PPP1R1C: variants seen among roughly 807,000 people sequenced by gnomAD.
PPP1R1C encodes the protein protein phosphatase 1 regulatory inhibitor subunit 1C, also known as protein phosphatase 1 regulatory subunit 1C.
PPP1R1C carries 15 observed loss-of-function variants against 17.4 expected under a neutral mutation model. The observed-to-expected ratio is 0.86, with a 90% CI of 0.58 to 1.33. The LOEUF is 1.33. Among genes scored for constraint, PPP1R1C ranks in the 40% most tolerant of loss-of-function variants. The pLI is 0.00. For synonymous variants in PPP1R1C, 35 were observed against 43.1 expected (o/e 0.81, Z 0.73); for missense variants, 143 against 130.0 (o/e 1.10, Z -0.48).
At chr2:181,982,095 T>C (rs560752314), upstream of PPP1R1C, among the ~76,000 whole-genome samples, 6 of 152,336 alleles carry the variant, frequency 3.9e-5, no homozygotes, top group Non-Finnish European at 5.9e-5. Context: ...GAAAATACAT[T>C]AAAAAGTTTA....
intron 4 of PPP1R1C, among the ~76,000 whole-genome samples, chr2:182,108,133 G>A (rs574993735): frequency 3.6e-4 from 54 of 152,038 alleles, no homozygotes; most frequent in African/African-American, 1.2e-3. Flanking sequence ...TGTAGTAATG[G>A]TGTCACAGAT....
chr2:181,990,717 A>G (rs1685451536), intron 2 of PPP1R1C, among the ~76,000 whole-genome samples: 1 of 152,218 alleles, frequency 6.6e-6, no homozygotes, highest in Non-Finnish European at 1.5e-5. Context: ...TCCACACATT[A>G]TTTGAACACT....
Position 181,961,818 on chromosome 2 carries a change from T to C in PPP1R1C, n.111+7184T>C. 8.6e-7 allele frequency: 1 copy of C among 1,168,140 alleles called. No homozygotes were observed. Among genetic ancestry groups the C allele is most frequent in the Non-Finnish European group, 1.3e-6 (1 of 784,796 alleles). 72.4% of individuals were successfully genotyped at this position (1,168,140 alleles called of 1,614,324 possible). On this transcript the variant is annotated intron_variant and non_coding_transcript_variant, in intron 1 of 5. Transcript: ENST00000464264. The surrounding 1 kb of genome is among the most constrained non-coding windows in gnomAD (Gnocchi z 5.8). ...TGGCAATCTGGGCTTGTAGGCCTTTTACTTCCTCTTCGTGGTTCTTCTTCA... is the reference window on the plus strand; with the variant it reads ...TGGCAATCTGGGCTTGTAGGCCTTTCACTTCCTCTTCGTGGTTCTTCTTCA...
chr2:182,069,118 A>C (rs527913603), intron 4 of PPP1R1C, among the ~76,000 whole-genome samples: 2 of 152,230 alleles, frequency 1.3e-5, no homozygotes, highest in South Asian at 2.1e-4. Flanking sequence ...TTCTTCAGGT[A>C]TTCATCACAT....
intron 2 of PPP1R1C, among the ~76,000 whole-genome samples, chr2:182,001,280 A>G (rs1685759070): frequency 6.6e-6 from 1 of 152,200 alleles, no homozygotes; most frequent in Non-Finnish European, 1.5e-5. Flanking sequence ...CTGCAGATGC[A>G]TAGACAATTT....
chr2:182,027,955 G>C (rs1413372242), intron 2 of PPP1R1C, among the ~76,000 whole-genome samples: 1 of 129,526 alleles, frequency 7.7e-6, no homozygotes, highest in African/African-American at 2.9e-5. Context: ...TGTATGTGTC[G>C]AGGAATTTAT....
chr2:182,040,840 G>A (rs1687160496), intron 2 of PPP1R1C, among the ~76,000 whole-genome samples: 1 of 152,106 alleles, frequency 6.6e-6, no homozygotes, highest in Non-Finnish European at 1.5e-5. Flanking sequence ...TATATAGTGA[G>A]AGGTAGGGAC....
At chr2:181,983,382 G>A (rs138123325), upstream of PPP1R1C, among the ~76,000 whole-genome samples, 50 of 152,168 alleles carry the variant, frequency 3.3e-4, no homozygotes, top group East Asian at 1.4e-3. Flanking sequence ...AACAGTTGTC[G>A]GAATAAATTA....
chr2:181,997,686 A>G (rs1180730826), intron 2 of PPP1R1C, among the ~76,000 whole-genome samples: 1 of 152,166 alleles, frequency 6.6e-6, no homozygotes, highest in Non-Finnish European at 1.5e-5. Context: ...TTATATTCTC[A>G]TTTGAGTAGG....
rs548646624 is a variant in PPP1R1C at position 182,056,934 on chromosome 2, G to A, written c.143-4508G>A. Among the ~76,000 whole-genome samples, 9 of 152,262 alleles carry A rather than the reference G, an allele frequency of 5.9e-5. No homozygotes were observed. The South Asian group carries it at 1.7e-3, about 28-fold the overall frequency. ...AAGAATTTGAGTGTCTGTAGCATTT[G>A]AACCTAGTACATTGATTTTTAAAAA... is the stretch of plus-strand genomic sequence containing the variant. On this transcript the variant is annotated intron_variant, in intron 2 of 4. Coordinates refer to ENST00000682840, the MANE Select transcript of PPP1R1C (RefSeq NM_001080545.3).
chr2:181,990,702 T>G (rs573302212), intron 2 of PPP1R1C, among the ~76,000 whole-genome samples: 48 of 152,344 alleles, frequency 3.2e-4, no homozygotes, highest in African/African-American at 1.1e-3. Context: ...TCCAACAGTT[T>G]CTTTTCCACA....
At chr2:182,002,294 A>G (rs148477001) in intron 2 of PPP1R1C, among the ~76,000 whole-genome samples, 15 of 152,234 alleles carry the variant, frequency 9.9e-5, no homozygotes, top group Non-Finnish European at 2.1e-4. Context: ...TCACTCCAGT[A>G]AAAAATCTGA....
chr2:181,992,528 A>G (rs1685500703), intron 2 of PPP1R1C, among the ~76,000 whole-genome samples: 1 of 133,816 alleles, frequency 7.5e-6, no homozygotes, highest in African/African-American at 2.8e-5. Flanking sequence ...AGCAGAGACA[A>G]TATGGTTACA....
chr2:182,026,563 A>C (rs1298807973), intron 2 of PPP1R1C, among the ~76,000 whole-genome samples: 30 of 150,560 alleles, frequency 2.0e-4, no homozygotes, highest in Non-Finnish European at 1.3e-4. Context: ...TGTTCCATTG[A>C]TCTATATCTC....
chr2:182,099,419 C>T (rs1179492694), intron 4 of PPP1R1C, among the ~76,000 whole-genome samples: 1 of 152,146 alleles, frequency 6.6e-6, no homozygotes, highest in East Asian at 1.9e-4. Context: ...ATCCCTCCTG[C>T]CCCCACAAGA....
chr2:182,010,529 C>G (rs964295936), intron 2 of PPP1R1C, among the ~76,000 whole-genome samples: 1 of 151,918 alleles, frequency 6.6e-6, no homozygotes, highest in African/African-American at 2.4e-5. Context: ...TTGGTGGAGT[C>G]TTCAGGTTTT....
chr2:182,084,452 G>C (rs977159831), intron 4 of PPP1R1C, among the ~76,000 whole-genome samples: 1 of 152,018 alleles, frequency 6.6e-6, no homozygotes, highest in African/African-American at 2.4e-5. Context: ...TATGTGGTGA[G>C]AGAGAAGGAC....
At chr2:182,042,241 T>G (rs17365950) in intron 2 of PPP1R1C, among the ~76,000 whole-genome samples, 7,890 of 152,308 alleles carry the variant, frequency 0.052, 292 homozygotes, top group Non-Finnish European at 0.076. Flanking sequence ...TGATCTTTGT[T>G]CAATGAAGTT....
chr2:182,077,948 A>AG (rs1489131979), intron 4 of PPP1R1C, among the ~76,000 whole-genome samples: 1 of 152,202 alleles, frequency 6.6e-6, no homozygotes, highest in African/African-American at 2.4e-5. Context: ...TGGGAGGCCA[A>AG]GGAGGACGGC....
Sources: allele counts gnomAD v4.1 joint callset (sites outside exome capture counted in the v4.1 genomes callset), GRCh38; gene constraint gnomAD v4.1.1; non-coding constraint Gnocchi (gnomAD v3.1); transcripts MANE v1.5; gene names NCBI Gene and HGNC (gene_info 2026-07-23, HGNC 2026-07-21).